The following PHTF2 variants were observed in gnomAD, a reference collection of about 807,000 sequenced individuals.
The protein encoded by PHTF2 is protein PHTF2.
PHTF2 carries 60 observed loss-of-function variants against 101.2 expected under a neutral mutation model. That is an observed-to-expected ratio of 0.59 (90% CI 0.48 to 0.73). The LOEUF (loss-of-function observed/expected upper bound fraction) is 0.73, where lower values mean the gene tolerates loss of function less well. Ranked by LOEUF, PHTF2 falls within the 30% of genes least tolerant of loss-of-function variation. The pLI is 0.00. For synonymous variants in PHTF2, 311 were observed against 307.3 expected (o/e 1.01, Z -0.13); for missense variants, 747 against 908.7 (o/e 0.82, Z 2.29).
chr7:77,823,906 G>A (rs1318689441), intron 1 of PHTF2, among the ~76,000 whole-genome samples: 1 of 152,156 alleles, frequency 6.6e-6, no homozygotes, highest in African/African-American at 2.4e-5. Flanking sequence ...TTGGCAGTGG[G>A]AGACTAGAGA....
chr7:77,818,987 TTTG>T (rs1794065354), intron 1 of PHTF2, among the ~76,000 whole-genome samples: 1 of 152,170 alleles, frequency 6.6e-6, no homozygotes, highest in African/African-American at 2.4e-5. Flanking sequence ...TAGGTATTCT[TTTG>T]TTGTTGCTGT....
chr7:77,857,698 C>CAGGTTTT (rs1797298850), intron 3 of PHTF2, among the ~76,000 whole-genome samples: 1 of 152,090 alleles, frequency 6.6e-6, no homozygotes, highest in African/African-American at 2.4e-5. Flanking sequence ...AACAAGAACA[C>CAGGTTTT]AGGTTTTGGG....
chr7:77,919,626 T>G (rs927162943), intron 9 of PHTF2, among the ~76,000 whole-genome samples: 2 of 152,178 alleles, frequency 1.3e-5, no homozygotes, highest in African/African-American at 4.8e-5. Context: ...AAAAAAAAAT[T>G]TATTCTTATA....
chr7:77,953,949 G>A (rs531233721), intron 19 of PHTF2, 55 bp downstream of exon 18: 17 of 1,555,136 alleles, frequency 1.1e-5, no homozygotes, highest in African/African-American at 6.8e-5. Flanking sequence ...TTTTTGTTGC[G>A]CCCATTTTAC....
chr7:77,926,058 AAAAAAC>A (rs965524788), intron 11 of PHTF2, among the ~76,000 whole-genome samples: 2 of 151,964 alleles, frequency 1.3e-5, no homozygotes, highest in East Asian at 3.9e-4. Flanking sequence ...CATCTCAAAA[AAAAAAC>A]AAAAACAAAA....
intron 9 of PHTF2, among the ~76,000 whole-genome samples, chr7:77,919,288 T>C (rs1803224429): frequency 1.3e-5 from 2 of 152,208 alleles, no homozygotes; most frequent in African/African-American, 4.8e-5. Context: ...TGTGGGGTTT[T>C]TTGGTATGTG....
intron 1 of PHTF2, among the ~76,000 whole-genome samples, chr7:77,838,621 G>T (rs1201606054): frequency 1.3e-5 from 2 of 152,110 alleles, no homozygotes; most frequent in Admixed American, 6.5e-5. Flanking sequence ...TGGTTACAAA[G>T]ATCCTATAAG....
At chr7:77,862,290 T>A (rs1299621873) in intron 3 of PHTF2, among the ~76,000 whole-genome samples, 1 of 152,154 alleles carries the variant, frequency 6.6e-6, no homozygotes, top group Non-Finnish European at 1.5e-5. Context: ...ATTTCTACAT[T>A]TTTAACATTT....
rs576576769 is a variant in PHTF2, at chr7:77,922,680, G to A, written c.1021G>A (p.Glu341Lys). 2.3e-5 allele frequency: 37 copies of A among 1,610,740 alleles called. No individual in the cohort carries two copies. In the Middle Eastern group the frequency reaches 5.0e-4, roughly 22 times the overall value. The change falls in exon 11 of 20, where the codon GAA (glutamate) becomes AAA (lysine). Residue 341 changes from glutamate to lysine, a missense_variant. This residue lies in a region of PHTF2 where 349 missense variants were observed against 369.7 expected (regional missense o/e 0.94). Coordinates refer to ENST00000416283, the Ensembl canonical transcript of PHTF2. ...TGAAGTCTCCAGTGAGGAAGGTCCT[G>A]AAACAGGATACTCATTACGTCGTCA...
intron 16 of PHTF2, among the ~76,000 whole-genome samples, chr7:77,943,571 C>T (rs1208597640): frequency 6.6e-6 from 1 of 152,044 alleles, no homozygotes; most frequent in Non-Finnish European, 1.5e-5. Context: ...AACATGTTCT[C>T]AGGGTCTCCT....
Position 77,878,632 on chromosome 7 carries a change from C to T in PHTF2, c.148-14976C>T, listed in dbSNP as rs1562904842. On this transcript the variant is annotated intron_variant, in intron 3 of 19. Transcript: ENST00000416283. ...CTTCCTTTAAACTATAAACTAAATT[C>T]CTTCCAAAGTTAGCTTGGCTACTCC... Among the ~76,000 whole-genome samples the T allele has an allele frequency of 1.3e-5, 2 of 152,222 alleles. 1 individual carries two copies. The highest frequency in any genetic ancestry group is 6.8e-3 in the Middle Eastern group (2 of 294).
intron 2 of PHTF2, among the ~76,000 whole-genome samples, chr7:77,849,588 T>A (rs1796576411): frequency 6.6e-6 from 1 of 152,236 alleles, no homozygotes; most frequent in South Asian, 2.1e-4. Flanking sequence ...ATTTTTTCTA[T>A]TTCTCTGAAG....
intron 12 of PHTF2, among the ~76,000 whole-genome samples, chr7:77,933,692 A>G (rs1036999537): frequency 6.6e-6 from 1 of 151,328 alleles, no homozygotes; most frequent in African/African-American, 2.4e-5. Flanking sequence ...TATAAGCAGC[A>G]TAAAAGCAGG....
At chr7:77,911,398 GTATTAT>G (rs751868510) in intron 9 of PHTF2, among the ~76,000 whole-genome samples, 2 of 151,672 alleles carry the variant, frequency 1.3e-5, no homozygotes, top group African/African-American at 2.4e-5. Flanking sequence ...ACTCAAGCTT[GTATTAT>G]TATTATTATT....
intron 9 of PHTF2, among the ~76,000 whole-genome samples, chr7:77,918,529 G>T (rs556910873): frequency 1.3e-5 from 2 of 151,918 alleles, no homozygotes; most frequent in Non-Finnish European, 1.5e-5. Flanking sequence ...TTATCTTTGA[G>T]TTTCTGACAT....
At chr7:77,812,025 TC>T (rs1363409938) in intron 1 of PHTF2, among the ~76,000 whole-genome samples, 1 of 152,194 alleles carries the variant, frequency 6.6e-6, no homozygotes, top group African/African-American at 2.4e-5. Context: ...AAATTATAGC[TC>T]CAATGTTTTG....
chr7:77,801,837 A>G (rs989743946), intron 1 of PHTF2, among the ~76,000 whole-genome samples: 1 of 152,226 alleles, frequency 6.6e-6, no homozygotes, highest in African/African-American at 2.4e-5. Flanking sequence ...GTTAAAGTAT[A>G]GACAGTCTGG....
intron 19 of PHTF2, 124 bp from the exon 19 acceptor site, chr7:77,954,734 T>A (rs1806884633): frequency 1.8e-6 from 1 of 556,702 alleles, no homozygotes; most frequent in East Asian, 3.4e-5. Flanking sequence ...GATAAAGGAG[T>A]TAAAATATTA....
chr7:77,898,835 T>C (rs555153935), intron 5 of PHTF2, among the ~76,000 whole-genome samples: 88 of 152,256 alleles, frequency 5.8e-4, no homozygotes, highest in Non-Finnish European at 8.8e-4. Context: ...AGTCTTACTT[T>C]GTCGCCAGGC....
Sources: gnomAD v4.1 joint callset for allele counts (sites outside exome capture counted in the v4.1 genomes callset) on GRCh38, gnomAD v4.1.1 for gene constraint, gnomAD v4.1.1 regional missense constraint, MANE v1.5 for transcripts, NCBI Gene and HGNC (gene_info 2026-07-23, HGNC 2026-07-21) for gene names.